Variants in PKHD1 observed in about 807,000 individuals in gnomAD.
PKHD1 encodes the protein PKHD1 ciliary IPT domain containing fibrocystin/polyductin.
In PKHD1, 291 loss-of-function variants were observed where a neutral mutation model predicts 412.0. The observed-to-expected ratio is 0.71, with a 90% CI of 0.64 to 0.78. The LOEUF is 0.78. PKHD1 is among the 30% of genes least tolerant of loss of function. The probability of loss-of-function intolerance (pLI) is 0.00; values close to 1 mark genes in which losing one functional copy is unlikely to be tolerated. For missense variants in PKHD1, 4,825 were observed against 4,950.7 expected (o/e 0.97, Z 0.76); for synonymous variants, 1,777 against 1,821.5 (o/e 0.98, Z 0.62).
chr6:51,889,157 C>A (rs1778706655), intron 43 of PKHD1, among the ~76,000 whole-genome samples: 1 of 152,038 alleles, frequency 6.6e-6, no homozygotes, highest in Admixed American at 6.6e-5. Flanking sequence ...TGGTGCGAGA[C>A]AAGGAATGTC....
At position 51,713,882 on chromosome 6, in the gene PKHD1, C is replaced by T. The variant is rs568442046; in HGVS notation, c.10156+30503G>A. On this transcript the variant is annotated intron_variant, in intron 60 of 66. Transcript: ENST00000371117. Reference sequence around the variant, plus strand: ...AGGTATCTTTGCTCAGAAAGCTGAGCAAAGTGGAACCCTCTTTAGCACAAC... The same window carrying T: ...AGGTATCTTTGCTCAGAAAGCTGAGTAAAGTGGAACCCTCTTTAGCACAAC... Among the ~76,000 whole-genome samples, 7 of 152,146 alleles carry T rather than the reference C, an allele frequency of 4.6e-5. No homozygotes were observed. The South Asian group carries it at 8.3e-4, about 18-fold the overall frequency.
Position 51,940,476 on chromosome 6 carries a change from C to G in PKHD1, c.5909-6154G>C, listed in dbSNP as rs560617980. 1.1e-4 allele frequency among the ~76,000 whole-genome samples: 16 copies of G among 151,826 alleles called. 1 individual carries two copies. Among genetic ancestry groups the G allele is most frequent in the African/African-American group, 3.1e-4 (13 of 41,524 alleles). ...ACTACAAGTGCTGGAAATCTGGCCA[C>G]TGGGCCAAGGAATGCCCACAGCCCG... On this transcript the variant is annotated intron_variant, in intron 36 of 66. Coordinates refer to ENST00000371117, the MANE Select transcript of PKHD1 (RefSeq NM_138694.4).
intron 60 of PKHD1, among the ~76,000 whole-genome samples, chr6:51,710,711 C>T (rs541502514): frequency 6.6e-6 from 1 of 152,026 alleles, no homozygotes; most frequent in Non-Finnish European, 1.5e-5. Context: ...AATTTGAATA[C>T]TTATTGAATA....
At chr6:51,626,975 C>A in intron 66 of PKHD1, 22 bp downstream of exon 66, 1 of 1,612,610 alleles carries the variant, frequency 6.2e-7, no homozygotes, top group South Asian at 1.1e-5. Context: ...CTGTGGGGAT[C>A]ATCTCCACCC....
At chr6:51,844,957 T>C (rs954147705) in intron 50 of PKHD1, among the ~76,000 whole-genome samples, 1 of 152,248 alleles carries the variant, frequency 6.6e-6, no homozygotes, top group Non-Finnish European at 1.5e-5. Flanking sequence ...GACTATGTGG[T>C]CTTGACTTAC....
intron 60 of PKHD1, 66 bp from the exon 61 acceptor site, chr6:51,660,035 C>T (rs1772586363): frequency 1.0e-6 from 1 of 980,160 alleles, no homozygotes; most frequent in Non-Finnish European, 1.6e-6. Flanking sequence ...TATTTGTAAT[C>T]CATCACTCTT....
At chr6:52,060,854 T>C (rs77491529) in intron 14 of PKHD1, among the ~76,000 whole-genome samples, 261 of 152,304 alleles carry the variant, frequency 1.7e-3, no homozygotes, top group Middle Eastern at 6.8e-3. Flanking sequence ...AATATAATTA[T>C]ATTAACTTAC....
At chr6:52,061,564 T>C (rs1808671842) in intron 14 of PKHD1, among the ~76,000 whole-genome samples, 1 of 152,136 alleles carries the variant, frequency 6.6e-6, no homozygotes, top group African/African-American at 2.4e-5. Context: ...CAACCCTACT[T>C]GGCTTATTCA....
In PKHD1 at chr6:52,046,001, T is replaced by C. The variant is rs1257531892; in HGVS notation, c.2592+3A>G. 5.0e-6 allele frequency: 8 copies of C among 1,607,264 alleles called. No homozygotes were observed. Among genetic ancestry groups the C allele is most frequent in the Admixed American group, 1.7e-5 (1 of 59,970 alleles). On this transcript the variant is annotated splice_donor_region_variant and intron_variant, in intron 24 of 66. Transcript: ENST00000371117. The stretch of plus-strand genomic sequence containing the variant: ...ATGCCACTAGAAGGGATACTATACA[T>C]ACCCTGATAAAATTGGGCAAATCCC...
At chr6:51,707,627 T>C (rs534176446) in intron 60 of PKHD1, among the ~76,000 whole-genome samples, 1 of 152,228 alleles carries the variant, frequency 6.6e-6, no homozygotes, top group South Asian at 2.1e-4. Context: ...CTTGGTAAAA[T>C]GTTTTACTCT....
At chr6:52,055,821 C>G (rs1258924551) in intron 18 of PKHD1, 92 bp from the exon 19 acceptor site, 1 of 1,389,612 alleles carries the variant, frequency 7.2e-7, no homozygotes, top group Non-Finnish European at 1.0e-6. Flanking sequence ...TTTAGAGTAT[C>G]TCACTTAAGA....
chr6:51,899,092 G>A (rs1037570659), intron 43 of PKHD1, among the ~76,000 whole-genome samples: 1 of 152,172 alleles, frequency 6.6e-6, no homozygotes, highest in South Asian at 2.1e-4. Context: ...GAGGTACAAG[G>A]AGGAACTGGT....
rs1409821264 is a variant in PKHD1, at chr6:51,618,997, G to A, written c.*84C>T. The stretch of plus-strand genomic sequence containing the variant: ...TTCTCTCTTCTTAGTTGTCCCAGCA[G>A]GACAGTCCTCACTTCCCCAGCTTAT... On this transcript the variant is annotated 3_prime_UTR_variant, in exon 67 of 67. Transcript: ENST00000371117. The A allele has an allele frequency of 1.6e-6, 2 of 1,242,836 alleles. No individual in the cohort carries two copies. The highest frequency in any genetic ancestry group is 3.0e-5 in the African/African-American group (2 of 67,726). The allele number at this position is 1,242,836 out of a possible 1,614,324, so 77.0% of individuals were successfully genotyped here.
chr6:51,794,817 A>G (rs1370037191), intron 52 of PKHD1, among the ~76,000 whole-genome samples: 1 of 152,142 alleles, frequency 6.6e-6, no homozygotes, highest in Non-Finnish European at 1.5e-5. Flanking sequence ...TTTGTCAAAG[A>G]TGAGATGGTT....
At chr6:52,014,745 GATGGATGGATGGATGGATGA>G (rs1800286177) in intron 34 of PKHD1, among the ~76,000 whole-genome samples, 1 of 141,740 alleles carries the variant, frequency 7.1e-6, no homozygotes, top group Non-Finnish European at 1.5e-5. Context: ...TGGATGGATG[GATGGATGGATGGATGGATGA>G]ATATACTGGA....
intron 55 of PKHD1, among the ~76,000 whole-genome samples, chr6:51,755,669 C>T (rs2151025398): frequency 6.6e-6 from 1 of 152,248 alleles, no homozygotes; most frequent in South Asian, 2.1e-4. Flanking sequence ...ATAGTCATTA[C>T]CAACTTCAAC....
intron 37 of PKHD1, among the ~76,000 whole-genome samples, chr6:51,926,020 C>T (rs1013278871): frequency 2.2e-4 from 33 of 148,496 alleles, no homozygotes; most frequent in Non-Finnish European, 3.0e-4. Context: ...TGTATATATT[C>T]TTCTGGGAGA....
At chr6:51,704,266 T>A (rs1486066908) in intron 60 of PKHD1, among the ~76,000 whole-genome samples, 4 of 152,050 alleles carry the variant, frequency 2.6e-5, no homozygotes, top group Non-Finnish European at 5.9e-5. Flanking sequence ...AAGCAGTGTT[T>A]ATCATACTGC....
At chr6:51,984,339 G>T (rs939373738) in intron 35 of PKHD1, among the ~76,000 whole-genome samples, 8 of 152,208 alleles carry the variant, frequency 5.3e-5, no homozygotes, top group Non-Finnish European at 7.3e-5. Context: ...GAAAGGCATG[G>T]AAGGAAGCTA....
Sources: gnomAD v4.1 joint callset for allele counts (sites outside exome capture counted in the v4.1 genomes callset) on GRCh38, gnomAD v4.1.1 for gene constraint, MANE v1.5 for transcripts, NCBI Gene and HGNC (gene_info 2026-07-23, HGNC 2026-07-21) for gene names.